TRPS1: variants seen among roughly 807,000 people sequenced by gnomAD.
The protein encoded by TRPS1 is transcriptional repressor GATA binding 1.
A neutral mutation model predicts 101.2 loss-of-function variants in TRPS1; 6 were observed. That is an observed-to-expected ratio of 0.06 (90% CI 0.03 to 0.12). The LOEUF is 0.12. Ranked by LOEUF, TRPS1 falls within the 10% of genes least tolerant of loss-of-function variation. TRPS1 has a pLI of 1.00. For missense variants in TRPS1, 1,363 were observed against 1,567.0 expected, an observed-to-expected ratio of 0.87 and a Z score of 2.20; for synonymous variants, 578 against 589.8, an observed-to-expected ratio of 0.98 and a Z score of 0.29.
At position 115,604,246 on chromosome 8, in the gene TRPS1, T is replaced by C; in HGVS notation, c.1723A>G (p.Lys575Glu). ...CCTCTGGGACAGAATGGACAGTGTT[T>C]AATGGTACACTTGTGAATGTTATGG... Reference protein sequence around the residue: ...QLHNIHKCTIKHCPFCPRGLC... With the variant: ...QLHNIHKCTIEHCPFCPRGLC... The change falls in exon 4 of 7, where the codon AAA becomes GAA. Residue 575 changes from lysine to glutamate, a missense_variant. Physicochemically the swap from Lys to Glu is moderately conservative, Grantham distance 56. Transcript: ENST00000395715. This position sits in a 1 kb window ranked among gnomAD's most constrained non-coding sequence, Gnocchi z 4.1. 1.9e-6 allele frequency: 3 copies of C among 1,614,078 alleles called. No individual in the cohort carries two copies. The highest frequency in any genetic ancestry group is 2.5e-6 in the Non-Finnish European group (3 of 1,180,004).
intron 5 of TRPS1, among the ~76,000 whole-genome samples, chr8:115,423,844 T>C (rs1340564784): frequency 6.6e-6 from 1 of 152,134 alleles, no homozygotes; most frequent in Non-Finnish European, 1.5e-5. Flanking sequence ...TTAAATTGGG[T>C]CGGCTGTTTT....
intron 4 of TRPS1, among the ~76,000 whole-genome samples, chr8:115,601,589 A>C (rs1817908970): frequency 6.6e-6 from 1 of 152,202 alleles, no homozygotes; most frequent in African/African-American, 2.4e-5. Context: ...ATCAGGATTT[A>C]AACATAAGTG....
At chr8:115,580,846 CA>C (rs945085219) in intron 5 of TRPS1, among the ~76,000 whole-genome samples, 1 of 151,888 alleles carries the variant, frequency 6.6e-6, no homozygotes, top group African/African-American at 2.4e-5. Flanking sequence ...GGAGGCTCCT[CA>C]AAAAAACCGC....
At chr8:115,530,510 G>A (rs992758992) in intron 5 of TRPS1, among the ~76,000 whole-genome samples, 2 of 152,138 alleles carry the variant, frequency 1.3e-5, no homozygotes, top group African/African-American at 2.4e-5. Flanking sequence ...ACTTAGATAC[G>A]TGTGCAAACC....
chr8:115,439,131 T>C (rs1012479), intron 5 of TRPS1, among the ~76,000 whole-genome samples: 59,667 of 151,578 alleles, frequency 0.39, 13,222 homozygotes, highest in African/African-American at 0.62. Flanking sequence ...TTTAGAGACC[T>C]ACACTCTAGT....
At chr8:115,503,098 C>T (rs1280440935) in intron 5 of TRPS1, among the ~76,000 whole-genome samples, 1 of 151,734 alleles carries the variant, frequency 6.6e-6, no homozygotes, top group East Asian at 1.9e-4. Context: ...CCCACTTCTA[C>T]AAAAAATTAC....
At chr8:115,592,397 T>C (rs1192883375) in intron 4 of TRPS1, among the ~76,000 whole-genome samples, 1 of 152,192 alleles carries the variant, frequency 6.6e-6, no homozygotes, top group Non-Finnish European at 1.5e-5. Context: ...GGTAATGATC[T>C]TACTATTATT....
chr8:115,527,007 T>C (rs1418869943), intron 5 of TRPS1, among the ~76,000 whole-genome samples: 1 of 152,174 alleles, frequency 6.6e-6, no homozygotes, highest in Non-Finnish European at 1.5e-5. Context: ...CCTGTGTTTC[T>C]TTCAAGGGCC....
chr8:115,472,107 G>A (rs185003409), intron 5 of TRPS1, among the ~76,000 whole-genome samples: 13 of 152,126 alleles, frequency 8.5e-5, no homozygotes, highest in Non-Finnish European at 1.6e-4. Context: ...AACTCTTTGT[G>A]GGGGGGCTCC....
chr8:115,432,199 A>T (rs1369216904), intron 5 of TRPS1, among the ~76,000 whole-genome samples: 8 of 92,890 alleles, frequency 8.6e-5, no homozygotes, highest in Non-Finnish European at 1.5e-4. Context: ...ATAATGGCAG[A>T]ATCAGTAAAT....
At chr8:115,638,952 T>C (rs1818832992) in intron 1 of TRPS1, among the ~76,000 whole-genome samples, 1 of 152,194 alleles carries the variant, frequency 6.6e-6, no homozygotes, top group African/African-American at 2.4e-5. Context: ...TATAAACTGC[T>C]AACAGGTAGC....
At chr8:115,602,828 C>T (rs1256946989) in intron 4 of TRPS1, among the ~76,000 whole-genome samples, 5 of 152,152 alleles carry the variant, frequency 3.3e-5, no homozygotes, top group Non-Finnish European at 7.3e-5. Context: ...AATACCTAAA[C>T]GCAGGGTACC....
chr8:115,421,821 T>C (rs754558859), intron 5 of TRPS1, among the ~76,000 whole-genome samples: 5 of 152,174 alleles, frequency 3.3e-5, no homozygotes, highest in Non-Finnish European at 7.3e-5. Flanking sequence ...TCACACTGTG[T>C]ACAATGTAAC....
intron 5 of TRPS1, among the ~76,000 whole-genome samples, chr8:115,433,977 A>C (rs1813386672): frequency 0.011 from 1 of 94 alleles, no homozygotes; most frequent in African/African-American, 0.029. Context: ...CTGCTGTCAG[A>C]ATCTTTTCAC....
intron 5 of TRPS1, among the ~76,000 whole-genome samples, chr8:115,438,735 G>GCC (rs1416501508): frequency 6.6e-6 from 1 of 151,654 alleles, no homozygotes; most frequent in Non-Finnish European, 1.5e-5. Context: ...CCCTCTCCCT[G>GCC]CCCCTCCTGC....
intron 1 of TRPS1, among the ~76,000 whole-genome samples, chr8:115,626,424 T>G (rs1818510831): frequency 6.6e-6 from 1 of 151,844 alleles, no homozygotes; most frequent in Non-Finnish European, 1.5e-5. Flanking sequence ...AGTTTAGATG[T>G]TTTCTATTTC....
intron 5 of TRPS1, among the ~76,000 whole-genome samples, chr8:115,571,094 A>T (rs970800503): frequency 6.6e-6 from 1 of 152,208 alleles, no homozygotes; most frequent in African/African-American, 2.4e-5. Flanking sequence ...CTATTATGAC[A>T]CAAGTGCAGA....
intron 5 of TRPS1, among the ~76,000 whole-genome samples, chr8:115,529,473 G>A (rs949819836): frequency 1.3e-5 from 2 of 152,028 alleles, no homozygotes; most frequent in African/African-American, 4.8e-5. Context: ...GGAAATCACT[G>A]AAAAAGATTA....
chr8:115,663,905 C>T (rs1486394759), intron 1 of TRPS1, among the ~76,000 whole-genome samples: 1 of 151,858 alleles, frequency 6.6e-6, no homozygotes, highest in Non-Finnish European at 1.5e-5. Flanking sequence ...CTCTTTCTAA[C>T]CAAAGTCAAG....
Sources: allele counts gnomAD v4.1 joint callset (sites outside exome capture counted in the v4.1 genomes callset), GRCh38; gene constraint gnomAD v4.1.1; non-coding constraint Gnocchi (gnomAD v3.1); transcripts MANE v1.5; gene names NCBI Gene and HGNC (gene_info 2026-07-23, HGNC 2026-07-21).